The following SMG9 variants were observed in gnomAD, a reference collection of about 807,000 sequenced individuals.
SMG9 encodes the protein SMG9 nonsense mediated mRNA decay factor, also known as nonsense-mediated mRNA decay factor SMG9.
Under a neutral mutation model 64.0 loss-of-function variants are expected in SMG9, and 55 were observed. The ratio of observed to expected loss-of-function variants is 0.86; its 90% CI spans 0.69 to 1.08. The LOEUF is 1.08. Among genes scored for constraint, SMG9 ranks in the 50% least tolerant of loss-of-function variants. The pLI, the probability that SMG9 is intolerant of heterozygous loss-of-function variation, is 0.00. For synonymous variants in SMG9, 244 were observed against 254.8 expected, an observed-to-expected ratio of 0.96 and a Z score of 0.41; for missense variants, 554 against 681.3, an observed-to-expected ratio of 0.81 and a Z score of 2.08.
chr19:43,729,388 C>T lies in SMG9; in HGVS notation c.*2208G>A, dbSNP rs1968400157. On this transcript the variant is annotated 3_prime_UTR_variant, in exon 14 of 14. Coordinates refer to ENST00000270066, the MANE Select transcript of SMG9 (RefSeq NM_019108.4). ...CTGATTCAGACCTTCCTTGGCAACA[C>T]TGACCACAAGATCACAGGTGAATCC... 1 of 152,406 alleles carries T rather than the reference C, an allele frequency of 6.6e-6. No homozygotes were observed. The highest frequency in any genetic ancestry group is 1.9e-4 in the East Asian group (1 of 5,180). The allele number at this position is 152,406 out of a possible 1,614,324, so 9.4% of individuals were successfully genotyped here.
At chr19:43,740,341 C>A in intron 6 of SMG9, 123 bp from the exon 7 acceptor site, 24 of 709,568 alleles carry the variant, frequency 3.4e-5, no homozygotes, top group Non-Finnish European at 5.1e-5. Context: ...CTAAGCTTTT[C>A]ATCTGTGGCC....
At chr19:43,739,904 T>G in intron 7 of SMG9, 1 of 588,044 alleles carries the variant, frequency 1.7e-6, no homozygotes, top group Non-Finnish European at 3.0e-6. Context: ...TAGGCTACTG[T>G]GTAGAAGGCG....
At position 43,737,681 on chromosome 19, in the gene SMG9, G is replaced by T; in HGVS notation, c.911C>A (p.Ser304Ter). 1 of 1,613,884 alleles carries T rather than the reference G, an allele frequency of 6.2e-7. No homozygotes were observed. Among genetic ancestry groups the T allele is most frequent in the South Asian group, 1.1e-5 (1 of 91,046 alleles). Reference sequence around the variant, plus strand: ...GAAAAGGAAGGCAGCAATCTGGAGTGACTGAGGGTGGGCAGGATGGAAGGG... The same window carrying T: ...GAAAAGGAAGGCAGCAATCTGGAGTTACTGAGGGTGGGCAGGATGGAAGGG... ...NLPHTYVEMQ[S>*]LQIAAFLFTV... Residue 304 changes from serine (S) to a stop codon, truncating the protein, a stop_gained and splice_region_variant, in exon 9 of 14, where the codon TCA becomes TAA. Coordinates refer to ENST00000270066, the MANE Select transcript of SMG9 (RefSeq NM_019108.4). LOFTEE classifies it high-confidence loss of function.
Position 43,737,587 on chromosome 19 carries a change from A to C in SMG9, c.995+10T>G, listed in dbSNP as rs772463579. On this transcript the variant is annotated intron_variant, in intron 9 of 13. Coordinates refer to ENST00000270066, the MANE Select transcript of SMG9 (RefSeq NM_019108.4). ...CCTCCTCCCCACCCTCCAACCCCTC[A>C]GCTCCTCACCTGTAGAGACTGAGGT... 1.2e-6 allele frequency: 2 copies of C among 1,611,166 alleles called. No individual in the cohort carries two copies. Among genetic ancestry groups the C allele is most frequent in the South Asian group, 2.2e-5 (2 of 90,632 alleles).
chr19:43,748,149 T>G, intron 2 of SMG9, 97 bp from the exon 3 acceptor site: 3 of 1,383,428 alleles, frequency 2.2e-6, no homozygotes, highest in South Asian at 1.4e-5. Flanking sequence ...ATATATTAAC[T>G]ACCTTGATCC....
rs1022038767 is a variant in SMG9, at chr19:43,729,826, T to A, written c.*1770A>T. ...CATTTCGGTAAAAGGGCAGTGAATG[T>A]CACAGCTCTGAAGGGCCTCGAGGAT... On this transcript the variant is annotated 3_prime_UTR_variant, in exon 14 of 14. Transcript: ENST00000270066. 2.0e-5 allele frequency: 3 copies of A among 152,340 alleles called. No homozygotes were observed. Among genetic ancestry groups the A allele is most frequent in the African/African-American group, 7.2e-5 (3 of 41,460 alleles). 9.4% of individuals were successfully genotyped at this position (152,340 alleles called of 1,614,324 possible).
chr19:43,735,056 C>T (rs1438436687), intron 9 of SMG9, among the ~76,000 whole-genome samples: 4 of 152,230 alleles, frequency 2.6e-5, no homozygotes, highest in Admixed American at 6.5e-5. Flanking sequence ...CTCTCTCCAA[C>T]CCCTGATCTT....
At chr19:43,748,177 G>T in intron 2 of SMG9, 125 bp from the exon 3 acceptor site, 1 of 1,135,668 alleles carries the variant, frequency 8.8e-7, no homozygotes, top group Non-Finnish European at 1.2e-6. Context: ...AGCCCTGTGA[G>T]ATAGATACTA....
chr19:43,741,683 T>C (rs1374457483), intron 6 of SMG9, among the ~76,000 whole-genome samples: 3 of 152,174 alleles, frequency 2.0e-5, no homozygotes, highest in Non-Finnish European at 2.9e-5. Context: ...ACACACACTA[T>C]GGGCAAGCTC....
Position 43,738,160 on chromosome 19 carries a change from G to T in SMG9, c.871C>A (p.Pro291Thr). 1 of 1,614,096 alleles carries T rather than the reference G, an allele frequency of 6.2e-7. No homozygotes were observed. The highest frequency in any genetic ancestry group is 8.5e-7 in the Non-Finnish European group (1 of 1,180,006). ...TAAGTGTGGGGAAGGTTGTACTCTGGAGGCAGTTTGCGGTCATTATTGATG... is the reference window on the plus strand; with the variant it reads ...TAAGTGTGGGGAAGGTTGTACTCTGTAGGCAGTTTGCGGTCATTATTGATG... ...HLINNDRKLP[P>T]EYNLPHTYVE... The change falls in exon 8 of 14, where the codon CCA becomes ACA. Residue 291 changes from proline to threonine, a missense_variant. Coordinates refer to ENST00000270066, the MANE Select transcript of SMG9 (RefSeq NM_019108.4).
rs28544228 is a variant in SMG9 at position 43,733,986 on chromosome 19, A to C, written c.1103-253T>G. The C allele has an allele frequency of 8.2e-3, 4,696 of 570,906 alleles. 140 individuals are homozygous for C. The highest frequency in any genetic ancestry group is 0.071 in the African/African-American group (3,814 of 53,480). 35.4% of individuals were successfully genotyped at this position (570,906 alleles called of 1,614,324 possible). On this transcript the variant is annotated intron_variant, in intron 10 of 13. Coordinates refer to ENST00000270066, the MANE Select transcript of SMG9 (RefSeq NM_019108.4). ...GATCATAAAATGAACTGGGTCTTTG[A>C]AGAAGAGTAGAGCGGAGAAAGGATG...
At chr19:43,744,473 G>A (rs7246677) in intron 6 of SMG9, among the ~76,000 whole-genome samples, 37,397 of 151,012 alleles carry the variant, frequency 0.25, 4,818 homozygotes, top group African/African-American at 0.33. Context: ...CCTGAGGTGG[G>A]CCCAAATCCA....
At chr19:43,738,308 G>A in intron 7 of SMG9, 91 bp from the exon 8 acceptor site, 1 of 1,187,160 alleles carries the variant, frequency 8.4e-7, no homozygotes, top group Non-Finnish European at 1.2e-6. Flanking sequence ...ACAAAACAAG[G>A]TCAGAAACAA....
In SMG9 at chr19:43,748,026, G is replaced by A. The variant is rs139029481; in HGVS notation, c.177C>T (p.Ser59=). Residue 59 remains serine, a synonymous_variant, in exon 3 of 14, where the codon TCC becomes TCT. Transcript: ENST00000270066. ...GGATGATGGGGGTTTTCTGCATGACGGAAGTGCTTGTCTCTTCGCTGGCAT... is the reference window on the plus strand; with the variant it reads ...GGATGATGGGGGTTTTCTGCATGACAGAAGTGCTTGTCTCTTCGCTGGCAT... ...RRDASEETST[S]VMQKTPIILS... The A allele has an allele frequency of 5.6e-6, 9 of 1,612,604 alleles. No homozygotes were observed. Among genetic ancestry groups the A allele is most frequent in the Middle Eastern group, 1.7e-4 (1 of 6,054 alleles).
At chr19:43,742,052 G>A (rs984305990) in intron 6 of SMG9, among the ~76,000 whole-genome samples, 1 of 152,198 alleles carries the variant, frequency 6.6e-6, no homozygotes, top group African/African-American at 2.4e-5. Flanking sequence ...GGAGGCTGAG[G>A]CAGGAGAATT....
At chr19:43,749,549 C>A (rs2146406567) in intron 2 of SMG9, among the ~76,000 whole-genome samples, 1 of 152,214 alleles carries the variant, frequency 6.6e-6, no homozygotes, top group South Asian at 2.1e-4. Flanking sequence ...ACACTGTGGC[C>A]CAAGAGAAGG....
intron 9 of SMG9, among the ~76,000 whole-genome samples, 163 bp downstream of exon 9, chr19:43,737,434 G>A (rs969211287): frequency 3.3e-5 from 5 of 152,150 alleles, no homozygotes; most frequent in Admixed American, 2.0e-4. Flanking sequence ...CTGTGTGTGC[G>A]CGCAGTGCTT....
intron 2 of SMG9, chr19:43,748,875 C>T (rs567772479): frequency 3.4e-5 from 17 of 504,018 alleles, no homozygotes; most frequent in South Asian, 8.6e-5. Context: ...GAAAGTGCTT[C>T]GAAAAGAAGT....
Position 43,754,261 on chromosome 19 carries a change from G to C in SMG9, c.-7+393C>G, listed in dbSNP as rs75144698. 3.4e-3 allele frequency: 518 copies of C among 152,148 alleles called. 6 individuals carry two copies. Among genetic ancestry groups the C allele is most frequent in the African/African-American group, 0.011 (474 of 41,516 alleles). The allele number at this position is 152,148 out of a possible 1,614,324, so 9.4% of individuals were successfully genotyped here. A position where few individuals can be genotyped will look rare whatever the true frequency, so the allele number is the denominator to read the frequency against. On this transcript the variant is annotated intron_variant, in intron 1 of 13. Transcript: ENST00000270066. ...GTAGTCGATTTGCACATTTTCCTAA[G>C]GACTCCCTAGGATTTAAACTTCTCT...
Sources: allele counts gnomAD v4.1 joint callset (sites outside exome capture counted in the v4.1 genomes callset), GRCh38; gene constraint gnomAD v4.1.1; transcripts MANE v1.5; gene names NCBI Gene and HGNC (gene_info 2026-07-23, HGNC 2026-07-21).